PEX14: variants seen among roughly 807,000 people sequenced by gnomAD.
PEX14 encodes peroxisomal membrane protein PEX14.
In PEX14, 15 loss-of-function variants were observed where a neutral mutation model predicts 49.5. The ratio of observed to expected loss-of-function variants is 0.30; its 90% CI spans 0.20 to 0.47. The LOEUF (loss-of-function observed/expected upper bound fraction) is 0.47, where lower values mean the gene tolerates loss of function less well. Among genes scored for constraint, PEX14 ranks in the 20% least tolerant of loss-of-function variants. The pLI is 1.00. For synonymous variants in PEX14, 210 were observed against 212.7 expected, an observed-to-expected ratio of 0.99 and a Z score of 0.11; for missense variants, 398 against 494.8, an observed-to-expected ratio of 0.80 and a Z score of 1.86.
chr1:10,591,097 C>T (rs1322563128), intron 3 of PEX14, among the ~76,000 whole-genome samples: 1 of 152,178 alleles, frequency 6.6e-6, no homozygotes, highest in Non-Finnish European at 1.5e-5. Flanking sequence ...TATGAGACGG[C>T]GTATGGCTAG....
intron 3 of PEX14, among the ~76,000 whole-genome samples, chr1:10,570,263 A>G (rs548061921): frequency 2.0e-5 from 3 of 152,082 alleles, no homozygotes; most frequent in East Asian, 1.9e-4. Context: ...CATTGATGCA[A>G]CATTACTTCT....
chr1:10,495,333 A>G lies in PEX14; in HGVS notation c.84+12A>G, dbSNP rs1351156937. 42 of 1,606,302 alleles carry G rather than the reference A, an allele frequency of 2.6e-5. No individual in the cohort carries two copies. Among genetic ancestry groups the G allele is most frequent in the Non-Finnish European group, 3.5e-5 (41 of 1,173,296 alleles). ...CTCGAGAGCCGCTGGTAAGTACCCA[A>G]GATATGTGGTATCACTTTCTAGTAA... is the stretch of plus-strand genomic sequence containing the variant. On this transcript the variant is annotated intron_variant, in intron 2 of 8. Coordinates refer to ENST00000356607, the MANE Select transcript of PEX14 (RefSeq NM_004565.3). This position sits in a 1 kb window ranked among gnomAD's most constrained non-coding sequence, Gnocchi z 4.2.
chr1:10,536,219 A>G lies in PEX14; in HGVS notation c.91A>G (p.Thr31Ala). 1 of 1,603,006 alleles carries G rather than the reference A, an allele frequency of 6.2e-7. No homozygotes were observed. Among genetic ancestry groups the G allele is most frequent in the South Asian group, 1.1e-5 (1 of 90,866 alleles). Residue 31 changes from threonine (T) to alanine (A), a missense_variant, in exon 3 of 9, where the codon ACG (threonine) becomes GCG (alanine). Thr to Ala is a moderately conservative substitution (Grantham distance 58, BLOSUM62 0). This residue lies in a region of PEX14 where 56 missense variants were observed against 40.8 expected (regional missense o/e 1.37). Transcript: ENST00000356607. ...ATTTTCTCTCTCTCACCAGATTGCC[A>G]CGGCAGTGAAGTTTCTACAGAATTC... ...NVLPREPLIA[T>A]AVKFLQNSRV...
chr1:10,589,801 C>T (rs948747611), intron 3 of PEX14, among the ~76,000 whole-genome samples: 2 of 152,184 alleles, frequency 1.3e-5, no homozygotes, highest in African/African-American at 2.4e-5. Flanking sequence ...AAAACTCTTG[C>T]GATAGAGTGC....
chr1:10,616,716 T>C (rs566503915), intron 4 of PEX14: 14 of 152,342 alleles, frequency 9.2e-5, no homozygotes, highest in Admixed American at 2.6e-4. Context: ...GATGAGGTTG[T>C]GGACGTGGGA....
At position 10,590,819 on chromosome 1, in the gene PEX14, C is replaced by G. The variant is rs147175232; in HGVS notation, c.170-8419C>G. Among the ~76,000 whole-genome samples the G allele has an allele frequency of 3.9e-5, 6 of 152,340 alleles. No homozygotes were observed. In the East Asian group the frequency reaches 1.2e-3, roughly 29 times the overall value. ...AATATCAGATTAATGTGAGGACTTG[C>G]AAGAACATCTGATGCCTGCATGGCA... On this transcript the variant is annotated intron_variant, in intron 3 of 8. Transcript: ENST00000356607.
At chr1:10,485,364 G>A (rs1641350474) in intron 1 of PEX14, among the ~76,000 whole-genome samples, 1 of 144,868 alleles carries the variant, frequency 6.9e-6, no homozygotes, top group Non-Finnish European at 1.5e-5. Flanking sequence ...CCAAGCTGGA[G>A]TGCAGTGGTG....
intron 1 of PEX14, among the ~76,000 whole-genome samples, chr1:10,475,523 C>G (rs894798111): frequency 4.6e-5 from 7 of 152,218 alleles, no homozygotes; most frequent in Admixed American, 2.0e-4. Context: ...CGAGCCCTCT[C>G]AGTGCGTTGA....
At chr1:10,520,571 T>C (rs535205348) in intron 2 of PEX14, among the ~76,000 whole-genome samples, 1 of 152,256 alleles carries the variant, frequency 6.6e-6, no homozygotes, top group Admixed American at 6.5e-5. Flanking sequence ...TAGGCTCAGG[T>C]CCTTAGGCCT....
chr1:10,475,200 T>A (rs1641173870), intron 1 of PEX14, among the ~76,000 whole-genome samples, 198 bp downstream of exon 1: 1 of 144,184 alleles, frequency 6.9e-6, no homozygotes, highest in Admixed American at 6.9e-5. Context: ...TTGACCACAT[T>A]CCGGAGCCCG....
At position 10,613,038 on chromosome 1, in the gene PEX14, G is replaced by A. The variant is rs1641315806; in HGVS notation, c.299-5294G>A. 6.6e-6 allele frequency among the ~76,000 whole-genome samples: 1 copy of A among 152,200 alleles called. No homozygotes were observed. Among genetic ancestry groups the A allele is most frequent in the Non-Finnish European group, 1.5e-5 (1 of 68,034 alleles). On this transcript the variant is annotated intron_variant, in intron 4 of 8. Coordinates refer to ENST00000356607, the MANE Select transcript of PEX14 (RefSeq NM_004565.3). The surrounding 1 kb of genome is among the most constrained non-coding windows in gnomAD (Gnocchi z 5.0). ...ACATCACTGGAGTGCCTGTTGTCTC[G>A]GCAGGATGGTTCCGTGACAGCTCTC...
chr1:10,618,850 T>TG (rs1641511260), intron 5 of PEX14, among the ~76,000 whole-genome samples: 1 of 152,240 alleles, frequency 6.6e-6, no homozygotes, highest in Non-Finnish European at 1.5e-5. Context: ...TCACAGGCTC[T>TG]GGTCTGTAAA....
At chr1:10,490,526 TTCTC>T (rs1641452980) in intron 1 of PEX14, among the ~76,000 whole-genome samples, 1 of 152,066 alleles carries the variant, frequency 6.6e-6, no homozygotes, top group East Asian at 1.9e-4. Context: ...AGAAAAGCAT[TTCTC>T]TCTCTGCCGC....
chr1:10,562,256 CAT>C (rs1280768756), intron 3 of PEX14, among the ~76,000 whole-genome samples: 7 of 152,168 alleles, frequency 4.6e-5, no homozygotes, highest in South Asian at 2.1e-4. Flanking sequence ...ACCCCCAACA[CAT>C]GTGTATGTAT....
At chr1:10,599,514 A>G in intron 4 of PEX14, 148 bp downstream of exon 4, 2 of 885,762 alleles carry the variant, frequency 2.3e-6, no homozygotes, top group East Asian at 4.9e-5. Context: ...GGAATGTGAC[A>G]CACCCCAGTC....
chr1:10,516,704 C>T (rs1557822230), intron 2 of PEX14, among the ~76,000 whole-genome samples: 1 of 152,240 alleles, frequency 6.6e-6, no homozygotes, highest in Non-Finnish European at 1.5e-5. Flanking sequence ...GTTGACTTGG[C>T]ATCTGAAGCA....
chr1:10,586,671 G>A (rs1267294025), intron 3 of PEX14, among the ~76,000 whole-genome samples: 3 of 113,728 alleles, frequency 2.6e-5, no homozygotes, highest in African/African-American at 1.0e-4. Flanking sequence ...ACGGAGTCTC[G>A]CTCTGTTGCC....
At chr1:10,569,749 T>C (rs1395488689) in intron 3 of PEX14, among the ~76,000 whole-genome samples, 3 of 152,204 alleles carry the variant, frequency 2.0e-5, no homozygotes, top group Non-Finnish European at 4.4e-5. Context: ...AAATGATTTT[T>C]TATTAGAATC....
chr1:10,495,613 G>A lies in PEX14; in HGVS notation c.84+292G>A, dbSNP rs766650101. On this transcript the variant is annotated intron_variant, in intron 2 of 8. Coordinates refer to ENST00000356607, the MANE Select transcript of PEX14 (RefSeq NM_004565.3). This position sits in a 1 kb window ranked among gnomAD's most constrained non-coding sequence, Gnocchi z 4.2. Reference sequence around the variant, plus strand: ...AGTAATTAGTGAGATTCCTGCGCCCGTGGGAGGCTGAGGTGGAGTGAGGTG... The same window carrying A: ...AGTAATTAGTGAGATTCCTGCGCCCATGGGAGGCTGAGGTGGAGTGAGGTG... Among the ~76,000 whole-genome samples, 5 of 152,206 alleles carry A rather than the reference G, an allele frequency of 3.3e-5. No homozygotes were observed. The highest frequency in any genetic ancestry group is 2.1e-4 in the South Asian group (1 of 4,834).
Sources: gnomAD v4.1 joint callset for allele counts (sites outside exome capture counted in the v4.1 genomes callset) on GRCh38, gnomAD v4.1.1 for gene constraint, gnomAD v4.1.1 regional missense constraint, Gnocchi (gnomAD v3.1) non-coding constraint, MANE v1.5 for transcripts, NCBI Gene and HGNC (gene_info 2026-07-23, HGNC 2026-07-21) for gene names.